The following PYGO1 variants were observed in gnomAD, a reference collection of about 807,000 sequenced individuals.
The protein encoded by PYGO1 is pygopus homolog 1.
In PYGO1, 6 loss-of-function variants were observed where a neutral mutation model predicts 29.5. That is an observed-to-expected ratio of 0.20 (90% CI 0.11 to 0.40). The LOEUF (loss-of-function observed/expected upper bound fraction) is 0.40, where lower values mean the gene tolerates loss of function less well. PYGO1 is among the 10% of genes least tolerant of loss of function. The probability of loss-of-function intolerance (pLI) is 1.00; values close to 1 mark genes in which losing one functional copy is unlikely to be tolerated. For missense variants in PYGO1, 515 were observed against 514.9 expected, an observed-to-expected ratio of 1.00 and a Z score of 0.00; for synonymous variants, 186 against 180.5, an observed-to-expected ratio of 1.03 and a Z score of -0.24.
At chr15:55,561,993 A>G (rs1292112059) in intron 1 of PYGO1, among the ~76,000 whole-genome samples, 1 of 152,216 alleles carries the variant, frequency 6.6e-6, no homozygotes, top group African/African-American at 2.4e-5. Context: ...TTAAATTTAC[A>G]AGAAACAACC....
rs2058847176 is a variant in PYGO1, at chr15:55,545,851, A to G, written c.*172T>C. On this transcript the variant is annotated 3_prime_UTR_variant, in exon 3 of 3. Coordinates refer to ENST00000563719, the MANE Select transcript of PYGO1 (RefSeq NM_001367806.1). The stretch of plus-strand genomic sequence containing the variant: ...CATATACATTATTCTCATTTAAGAC[A>G]GCAAGCAAAGACAATAAAAAATTTG... 1.6e-6 allele frequency: 1 copy of G among 632,598 alleles called. No individual in the cohort carries two copies. Among genetic ancestry groups the G allele is most frequent in the African/African-American group, 1.8e-5 (1 of 54,734 alleles). 39.2% of individuals were successfully genotyped at this position (632,598 alleles called of 1,614,324 possible).
chr15:55,554,468 CAAAAAAAAAA>C (rs56216226), intron 1 of PYGO1, among the ~76,000 whole-genome samples: 1 of 122,898 alleles, frequency 8.1e-6, no homozygotes, highest in African/African-American at 3.3e-5. Context: ...GACTCTGTCT[CAAAAAAAAAA>C]AAAAAAAAAA....
chr15:55,539,192 T>G lies in PYGO1; in HGVS notation c.*6831A>C, dbSNP rs1264249059. 6.6e-6 allele frequency: 1 copy of G among 152,196 alleles called. No individual in the cohort carries two copies. The highest frequency in any genetic ancestry group is 1.9e-4 in the East Asian group (1 of 5,198). 9.4% of individuals were successfully genotyped at this position (152,196 alleles called of 1,614,324 possible). ...AAATTAAACTCTTCCAATTTTAAAT[T>G]CTAGCATGGTTTTTGGGGAAGAAGG... On this transcript the variant is annotated 3_prime_UTR_variant, in exon 3 of 3. Transcript: ENST00000563719.
chr15:55,563,249 A>C (rs2058940871), intron 1 of PYGO1, among the ~76,000 whole-genome samples: 1 of 152,136 alleles, frequency 6.6e-6, no homozygotes, highest in Admixed American at 6.5e-5. Context: ...TTACAACTCA[A>C]AGAAAACAAC....
intron 1 of PYGO1, among the ~76,000 whole-genome samples, chr15:55,562,008 A>G (rs923067344): frequency 6.6e-6 from 1 of 152,206 alleles, no homozygotes; most frequent in African/African-American, 2.4e-5. Context: ...ACAACCAACC[A>G]ACCCCATTAA....
chr15:55,567,143 T>C (rs931889049), intron 1 of PYGO1, among the ~76,000 whole-genome samples: 6 of 150,290 alleles, frequency 4.0e-5, no homozygotes, highest in African/African-American at 9.7e-5. Flanking sequence ...TTCATGTTTC[T>C]TGGCCACTTG....
intron 1 of PYGO1, among the ~76,000 whole-genome samples, chr15:55,565,049 G>C (rs2058949297): frequency 1.3e-5 from 2 of 152,136 alleles, no homozygotes; most frequent in Non-Finnish European, 2.9e-5. Context: ...TCAAGTCTCT[G>C]ATTTCTTCTT....
At chr15:55,584,912 G>A (rs913341608) in intron 1 of PYGO1, among the ~76,000 whole-genome samples, 17 of 152,144 alleles carry the variant, frequency 1.1e-4, no homozygotes, top group Admixed American at 9.8e-4. Context: ...TCTATTAGTG[G>A]CATTTCTCAA....
At chr15:55,564,112 C>G (rs1487470787) in intron 1 of PYGO1, among the ~76,000 whole-genome samples, 1 of 152,102 alleles carries the variant, frequency 6.6e-6, no homozygotes, top group Non-Finnish European at 1.5e-5. Flanking sequence ...TGCACAAAAA[C>G]TTGTACAACG....
At chr15:55,571,764 G>T (rs899087353) in intron 1 of PYGO1, among the ~76,000 whole-genome samples, 1 of 152,004 alleles carries the variant, frequency 6.6e-6, no homozygotes, top group African/African-American at 2.4e-5. Flanking sequence ...TCCAGTATTC[G>T]TCTTTCTGTG....
At position 55,546,336 on chromosome 15, in the gene PYGO1, G is replaced by C. The variant is rs1027394940; in HGVS notation, c.947C>G (p.Ala316Gly). 4 of 1,614,014 alleles carry C rather than the reference G, an allele frequency of 2.5e-6. No homozygotes were observed. The African/African-American group carries it at 5.3e-5, about 22-fold the overall frequency. ...KPRQPRGAAD[A>G]CTTEKSNKSS... is the part of the protein sequence containing the mutation. ...TTTATTGCTTTTTTCTGTGGTGCAG[G>C]CATCTGCTGCACCTCTTGGTTGTCG... Residue 316 changes from alanine (A) to glycine (G), a missense_variant, in exon 3 of 3, where the codon GCC (alanine) becomes GGC (glycine). Coordinates refer to ENST00000563719, the MANE Select transcript of PYGO1 (RefSeq NM_001367806.1).
intron 1 of PYGO1, among the ~76,000 whole-genome samples, chr15:55,572,643 T>C (rs551506476): frequency 6.6e-6 from 1 of 152,114 alleles, no homozygotes; most frequent in Non-Finnish European, 1.5e-5. Context: ...TTGCAAATCA[T>C]ATATCTCTTA....
At chr15:55,577,703 A>G (rs1316237977) in intron 1 of PYGO1, among the ~76,000 whole-genome samples, 5 of 151,918 alleles carry the variant, frequency 3.3e-5, no homozygotes, top group African/African-American at 4.8e-5. Context: ...CATCCCCAAA[A>G]GAAACCCTAT....
intron 1 of PYGO1, among the ~76,000 whole-genome samples, chr15:55,552,565 A>C (rs1020393488): frequency 2.7e-5 from 4 of 150,258 alleles, no homozygotes; most frequent in Non-Finnish European, 4.5e-5. Context: ...GCATGGAGCC[A>C]AAAAAAAAGC....
At chr15:55,557,962 T>A (rs568974232) in intron 1 of PYGO1, among the ~76,000 whole-genome samples, 4 of 152,278 alleles carry the variant, frequency 2.6e-5, no homozygotes, top group African/African-American at 9.6e-5. Flanking sequence ...TTACCACTCC[T>A]ATTCAACACA....
intron 1 of PYGO1, among the ~76,000 whole-genome samples, chr15:55,565,028 C>G (rs894186549): frequency 5.3e-5 from 8 of 152,192 alleles, no homozygotes; most frequent in Admixed American, 5.2e-4. Context: ...TGTGTATCAA[C>G]TCCTTGTGCT....
intron 1 of PYGO1, among the ~76,000 whole-genome samples, chr15:55,561,408 G>T (rs139932268): frequency 6.6e-6 from 1 of 152,124 alleles, no homozygotes; most frequent in African/African-American, 2.4e-5. Flanking sequence ...CACATGGCCC[G>T]GGAGGCCTCA....
intron 1 of PYGO1, among the ~76,000 whole-genome samples, chr15:55,566,872 A>G (rs2058959034): frequency 6.6e-6 from 1 of 152,138 alleles, no homozygotes; most frequent in Non-Finnish European, 1.5e-5. Flanking sequence ...CTGAGACTAC[A>G]GGTGTGGGCT....
At chr15:55,572,860 T>A (rs2058985465) in intron 1 of PYGO1, among the ~76,000 whole-genome samples, 7 of 151,692 alleles carry the variant, frequency 4.6e-5, no homozygotes, top group African/African-American at 1.4e-4. Flanking sequence ...TAGGATGTAT[T>A]ATCAAAAAGA....
Sources: allele counts gnomAD v4.1 joint callset (sites outside exome capture counted in the v4.1 genomes callset), GRCh38; gene constraint gnomAD v4.1.1; transcripts MANE v1.5; gene names NCBI Gene and HGNC (gene_info 2026-07-23, HGNC 2026-07-21).